The following RPS6KC1 variants were observed in gnomAD, a reference collection of about 807,000 sequenced individuals.
RPS6KC1 encodes the protein ribosomal protein S6 kinase C1, also known as inactive ribosomal protein S6 kinase delta-1.
RPS6KC1 carries 54 observed loss-of-function variants against 103.8 expected under a neutral mutation model. The ratio of observed to expected loss-of-function variants is 0.52; its 90% CI spans 0.42 to 0.65. The LOEUF (loss-of-function observed/expected upper bound fraction) is 0.65, where lower values mean the gene tolerates loss of function less well. Ranked by LOEUF, RPS6KC1 falls within the 30% of genes least tolerant of loss-of-function variation. The pLI is 0.00. For synonymous variants in RPS6KC1, 439 were observed against 438.7 expected (o/e 1.00, Z -0.01); for missense variants, 1,151 against 1,253.8 (o/e 0.92, Z 1.24).
the RPS6KC1 span, among the ~76,000 whole-genome samples, chr1:213,732,782 A>T: frequency 2.0e-5 from 3 of 152,114 alleles, no homozygotes; most frequent in African/African-American, 7.2e-5. Flanking sequence ...GAGGATGAAA[A>T]TATATTTTAA....
At chr1:213,064,244 G>A (rs6540774) in intron 1 of RPS6KC1, among the ~76,000 whole-genome samples, 92,567 of 151,870 alleles carry the variant, frequency 0.61, 28,634 homozygotes, top group Non-Finnish European at 0.65. Context: ...TTTGGTAGAG[G>A]CGGGGTTTCA....
chr1:213,193,865 C>T (rs138182423), intron 8 of RPS6KC1, among the ~76,000 whole-genome samples: 48 of 151,666 alleles, frequency 3.2e-4, no homozygotes, highest in African/African-American at 1.0e-3. Context: ...TGGATTCAAG[C>T]GATCTGCCCA....
At chr1:213,626,982 T>C in the RPS6KC1 span, among the ~76,000 whole-genome samples, 1 of 152,234 alleles carries the variant, frequency 6.6e-6, no homozygotes, top group Non-Finnish European at 1.5e-5. Context: ...GGTAGCTTGA[T>C]AGGGATAGCA....
chr1:213,788,628 T>C, the RPS6KC1 span, among the ~76,000 whole-genome samples: 1 of 152,274 alleles, frequency 6.6e-6, no homozygotes, highest in Non-Finnish European at 1.5e-5. Context: ...GAGTTAGTCA[T>C]GCCAAATGGC....
chr1:213,765,222 T>C, the RPS6KC1 span, among the ~76,000 whole-genome samples: 13 of 152,164 alleles, frequency 8.5e-5, no homozygotes, highest in African/African-American at 3.1e-4. Context: ...GTGACTGTTT[T>C]TTCTCCACTC....
the RPS6KC1 span, among the ~76,000 whole-genome samples, chr1:213,631,527 T>C: frequency 3.3e-5 from 5 of 152,192 alleles, no homozygotes; most frequent in Admixed American, 2.6e-4. Context: ...AGAATGAAGA[T>C]ACCTGTAAAA....
At chr1:213,277,391 G>A (rs186199762), downstream of RPS6KC1, among the ~76,000 whole-genome samples, 7 of 152,308 alleles carry the variant, frequency 4.6e-5, no homozygotes, top group East Asian at 1.4e-3. Flanking sequence ...TCTCATCTCA[G>A]GGAGAAATGG....
chr1:213,443,853 T>C, the RPS6KC1 span, among the ~76,000 whole-genome samples: 1 of 151,990 alleles, frequency 6.6e-6, no homozygotes, highest in African/African-American at 2.4e-5. Flanking sequence ...TGCAGTGAGA[T>C]CGCGCCACTG....
intron 12 of RPS6KC1, among the ~76,000 whole-genome samples, chr1:213,259,846 C>G (rs2094741518): frequency 7.1e-6 from 1 of 141,294 alleles, no homozygotes; most frequent in African/African-American, 2.6e-5. Context: ...TCAAGCGATT[C>G]TCCTGCCTCA....
chr1:213,499,707 A>G, the RPS6KC1 span, among the ~76,000 whole-genome samples: 2 of 151,454 alleles, frequency 1.3e-5, no homozygotes, highest in African/African-American at 4.9e-5. Flanking sequence ...CAGTGTGCTT[A>G]CACAAACCTA....
the RPS6KC1 span, among the ~76,000 whole-genome samples, chr1:213,550,144 C>T: frequency 6.6e-6 from 1 of 152,174 alleles, no homozygotes; most frequent in East Asian, 1.9e-4. Context: ...CACCAAAGCC[C>T]TAGTGTTGTT....
the RPS6KC1 span, among the ~76,000 whole-genome samples, chr1:213,375,310 T>G: frequency 6.6e-6 from 1 of 150,832 alleles, no homozygotes; most frequent in East Asian, 1.9e-4. Flanking sequence ...CATACACACA[T>G]AGGCATATAC....
chr1:213,137,775 C>CTCTCTCTCTCTA (rs1295773311), intron 6 of RPS6KC1, among the ~76,000 whole-genome samples: 18 of 32,232 alleles, frequency 5.6e-4, no homozygotes, highest in African/African-American at 1.7e-3. Context: ...CTCTCTCTCT[C>CTCTCTCTCTCTA]TCTATATATA....
At chr1:213,236,766 G>T (rs1023679391) in intron 10 of RPS6KC1, among the ~76,000 whole-genome samples, 2 of 152,078 alleles carry the variant, frequency 1.3e-5, no homozygotes, top group Non-Finnish European at 2.9e-5. Flanking sequence ...AAAGACAGAA[G>T]TTGCAAAAGT....
At chr1:213,413,361 C>A in the RPS6KC1 span, among the ~76,000 whole-genome samples, 1 of 152,150 alleles carries the variant, frequency 6.6e-6, no homozygotes, top group African/African-American at 2.4e-5. Flanking sequence ...ACAACAACTA[C>A]CCTAGAACTT....
At chr1:213,214,749 G>A (rs956046485) in intron 8 of RPS6KC1, among the ~76,000 whole-genome samples, 4 of 152,142 alleles carry the variant, frequency 2.6e-5, no homozygotes, top group African/African-American at 7.2e-5. Flanking sequence ...CTCCACTGCC[G>A]ATACCCAGGC....
chr1:213,479,420 A>T, the RPS6KC1 span, among the ~76,000 whole-genome samples: 1 of 152,056 alleles, frequency 6.6e-6, no homozygotes, highest in Non-Finnish European at 1.5e-5. Context: ...GGTTAGTCTA[A>T]GGGTGGAAAC....
At chr1:213,377,786 T>A in the RPS6KC1 span, among the ~76,000 whole-genome samples, 3 of 152,140 alleles carry the variant, frequency 2.0e-5, no homozygotes, top group Admixed American at 6.5e-5. Context: ...CCTGCTCAGT[T>A]TGGGAGGAAG....
At chr1:213,390,977 T>G in the RPS6KC1 span, among the ~76,000 whole-genome samples, 3 of 152,116 alleles carry the variant, frequency 2.0e-5, no homozygotes, top group Non-Finnish European at 4.4e-5. Context: ...CTTTTTTGGG[T>G]ATATGTGATA....
Sources: allele counts gnomAD v4.1 joint callset (sites outside exome capture counted in the v4.1 genomes callset), GRCh38; gene constraint gnomAD v4.1.1; transcripts MANE v1.5; gene names NCBI Gene and HGNC (gene_info 2026-07-23, HGNC 2026-07-21).